GREB1L: variants seen among roughly 807,000 people sequenced by gnomAD.
The protein encoded by GREB1L is GREB1 like retinoic acid receptor coactivator.
Under a neutral mutation model 200.8 loss-of-function variants are expected in GREB1L, and 17 were observed. The observed-to-expected ratio is 0.08, with a 90% confidence interval of 0.06 to 0.13. The LOEUF is 0.13. GREB1L is among the 10% of genes least tolerant of loss of function. The probability of loss-of-function intolerance (pLI) is 1.00; values close to 1 mark genes in which losing one functional copy is unlikely to be tolerated. For missense variants in GREB1L, 1,657 were observed against 2,367.7 expected (o/e 0.70, Z 6.23); for synonymous variants, 789 against 893.0 (o/e 0.88, Z 2.08).
intron 1 of GREB1L, among the ~76,000 whole-genome samples, chr18:21,317,118 G>A (rs1352368630): frequency 1.3e-5 from 2 of 152,048 alleles, no homozygotes; most frequent in African/African-American, 4.8e-5. Flanking sequence ...CGGGTGCCGT[G>A]TTACGTGCCT....
intron 21 of GREB1L, among the ~76,000 whole-genome samples, chr18:21,499,167 G>A (rs980390739): frequency 1.6e-4 from 24 of 152,212 alleles, no homozygotes; most frequent in African/African-American, 2.4e-4. Context: ...GAGGCATGAG[G>A]CCCTCAGTCC....
At chr18:21,433,957 A>G (rs1015055521) in intron 7 of GREB1L, among the ~76,000 whole-genome samples, 3 of 152,190 alleles carry the variant, frequency 2.0e-5, no homozygotes, top group African/African-American at 2.4e-5. Context: ...TCTCTGAAAT[A>G]GAATGTGGTT....
In GREB1L at chr18:21,327,532, T is replaced by C. The variant is rs549849607; in HGVS notation, c.-119-38495T>C. 4.6e-5 allele frequency among the ~76,000 whole-genome samples: 7 copies of C among 152,196 alleles called. No homozygotes were observed. In the South Asian group the frequency reaches 1.5e-3, roughly 32 times the overall value. On this transcript the variant is annotated intron_variant, in intron 1 of 32. Transcript: ENST00000424526. ...CTGTTCCTCTTCCTGTTCCCACTCT[T>C]CCATTTTTATCTTTGAATTATCTTT... is the stretch of plus-strand genomic sequence containing the variant.
At chr18:21,395,854 C>G (rs542793085) in intron 5 of GREB1L, among the ~76,000 whole-genome samples, 53 of 151,092 alleles carry the variant, frequency 3.5e-4, no homozygotes, top group African/African-American at 1.3e-3. Context: ...CTCAGCCTCC[C>G]GAGTAGCTGG....
At chr18:21,268,558 C>CATATATATATATAT (rs1244082888) in intron 1 of GREB1L, among the ~76,000 whole-genome samples, 1 of 86,696 alleles carries the variant, frequency 1.2e-5, no homozygotes, top group African/African-American at 6.4e-5. Flanking sequence ...CACACACACA[C>CATATATATATATAT]ACATATATAT....
chr18:21,278,566 G>A (rs117438857), intron 1 of GREB1L, among the ~76,000 whole-genome samples: 1,587 of 152,052 alleles, frequency 0.01, 16 homozygotes, highest in Middle Eastern at 0.024. Context: ...TCAGTGTAAA[G>A]TGTTCTGGGT....
intron 2 of GREB1L, among the ~76,000 whole-genome samples, chr18:21,377,565 C>G (rs2040122790): frequency 6.6e-6 from 1 of 152,154 alleles, no homozygotes; most frequent in African/African-American, 2.4e-5. Flanking sequence ...CACCTGAGGT[C>G]AGGAGCTTGA....
rs1451947878 is a variant in GREB1L, at chr18:21,518,187, A to G, written c.5425A>G (p.Arg1809Gly). The change falls in exon 31 of 33, where the codon AGG becomes GGG. Residue 1809 changes from arginine to glycine, a missense_variant. Transcript: ENST00000424526. ...CTTCCCCAAAGCCATCCATAACTTC[A>G]GGAGTCCTGTGCTGGCCATTGACTG... The part of the protein sequence containing the change: ...KLFPKAIHNF[R>G]SPVLAIDCYL... 1.3e-6 allele frequency: 2 copies of G among 1,551,564 alleles called. No homozygotes were observed. Among genetic ancestry groups the G allele is most frequent in the Non-Finnish European group, 8.7e-7 (1 of 1,147,002 alleles).
chr18:21,493,175 C>G (rs572739866), intron 19 of GREB1L, among the ~76,000 whole-genome samples: 2 of 152,308 alleles, frequency 1.3e-5, no homozygotes, highest in African/African-American at 4.8e-5. Context: ...TGCCTTCTAT[C>G]TCTACTTTTG....
Position 21,451,011 on chromosome 18 carries a change from T to C in GREB1L, c.1721-12T>C, listed in dbSNP as rs192602511. ...TGTTGATGAGTCTTCTCTTCTCTCC[T>C]CCATCCTGCAGGTCAGCACCAGTCC... On this transcript the variant is annotated splice_polypyrimidine_tract_variant and intron_variant, in intron 12 of 32. Transcript: ENST00000424526. 1.2e-3 allele frequency: 1,835 copies of C among 1,551,544 alleles called. 3 individuals carry two copies. The highest frequency in any genetic ancestry group is 1.4e-3 in the Non-Finnish European group (1,657 of 1,146,810).
rs896863406 is a variant in GREB1L, at chr18:21,525,398, A to G, written c.*2577A>G. 1 of 152,098 alleles carries G rather than the reference A, an allele frequency of 6.6e-6. No homozygotes were observed. Among genetic ancestry groups the G allele is most frequent in the South Asian group, 2.1e-4 (1 of 4,830 alleles). 9.4% of individuals were successfully genotyped at this position (152,098 alleles called of 1,614,324 possible). ...TTGATTTAATTTGCTTAATGTATTA[A>G]AGTTATCTCCCACCCCCTCCAAAAA... On this transcript the variant is annotated 3_prime_UTR_variant, in exon 33 of 33. Coordinates refer to ENST00000424526, the MANE Select transcript of GREB1L (RefSeq NM_001142966.3).
chr18:21,477,375 G>A lies in GREB1L; in HGVS notation c.2556+19G>A, dbSNP rs114894300. 2 of 1,522,264 alleles carry A rather than the reference G, an allele frequency of 1.3e-6. No individual in the cohort carries two copies. The highest frequency in any genetic ancestry group is 8.9e-7 in the Non-Finnish European group (1 of 1,126,570). 94.3% of individuals were successfully genotyped at this position (1,522,264 alleles called of 1,614,324 possible). A position where few individuals can be genotyped will look rare whatever the true frequency, so the allele number is the denominator to read the frequency against. ...TACTGGGGTGAGTCTCTTGCCTGCT[G>A]TCTGATACACTGTCATGTTCTCAGT... is the stretch of plus-strand genomic sequence containing the variant. On this transcript the variant is annotated intron_variant, in intron 17 of 32. Transcript: ENST00000424526.
intron 6 of GREB1L, among the ~76,000 whole-genome samples, chr18:21,402,565 C>T (rs1353188856): frequency 6.7e-6 from 1 of 150,064 alleles, no homozygotes; most frequent in Non-Finnish European, 1.5e-5. Flanking sequence ...CACGCTCTCA[C>T]TCTGTTGCCC....
intron 2 of GREB1L, among the ~76,000 whole-genome samples, chr18:21,373,337 C>T (rs1277219879): frequency 6.6e-6 from 1 of 152,012 alleles, no homozygotes; most frequent in Non-Finnish European, 1.5e-5. Flanking sequence ...TTCTTTGCCC[C>T]CTGCCTCCTT....
chr18:21,504,929 C>G (rs2036952366), intron 23 of GREB1L, among the ~76,000 whole-genome samples: 1 of 152,090 alleles, frequency 6.6e-6, no homozygotes, highest in Non-Finnish European at 1.5e-5. Context: ...ATGACTGGAT[C>G]CTGGGCAGTC....
At chr18:21,485,347 CA>C (rs960537156) in intron 17 of GREB1L, 2,482 of 267,882 alleles carry the variant, frequency 9.3e-3, no homozygotes, top group South Asian at 0.015. Context: ...TGTATCCCAA[CA>C]AAAAAAAAAG....
chr18:21,347,784 T>TA (rs1232934235), intron 1 of GREB1L, among the ~76,000 whole-genome samples: 1 of 144,050 alleles, frequency 6.9e-6, no homozygotes, highest in African/African-American at 2.6e-5. Context: ...TTTTTTTTTT[T>TA]AAGACAGGGT....
At chr18:21,417,093 C>A (rs1380650612) in intron 7 of GREB1L, among the ~76,000 whole-genome samples, 1 of 152,014 alleles carries the variant, frequency 6.6e-6, no homozygotes, top group Non-Finnish European at 1.5e-5. Context: ...ATCTTAAAAG[C>A]AGCCAGAGAG....
At chr18:21,401,650 G>A (rs536119511) in intron 6 of GREB1L, among the ~76,000 whole-genome samples, 23 of 152,186 alleles carry the variant, frequency 1.5e-4, no homozygotes, top group Non-Finnish European at 3.2e-4. Flanking sequence ...GTTAGATGCC[G>A]TTTTTACTCT....
Sources: allele counts gnomAD v4.1 joint callset (sites outside exome capture counted in the v4.1 genomes callset), GRCh38; gene constraint gnomAD v4.1.1; transcripts MANE v1.5; gene names NCBI Gene and HGNC (gene_info 2026-07-23, HGNC 2026-07-21).